MITF: variants seen among roughly 807,000 people sequenced by gnomAD.
MITF encodes the protein microphthalmia-associated transcription factor.
A neutral mutation model predicts 60.5 loss-of-function variants in MITF; 17 were observed. The observed-to-expected ratio is 0.28, with a 90% confidence interval of 0.19 to 0.42. The LOEUF is 0.42. Ranked by LOEUF, MITF falls within the 10% of genes least tolerant of loss-of-function variation. MITF has a pLI of 1.00. For synonymous variants in MITF, 260 were observed against 248.5 expected (o/e 1.05, Z -0.43); for missense variants, 622 against 683.5 (o/e 0.91, Z 1.00).
At chr3:69,792,045 T>A (rs920459795) in intron 1 of MITF, among the ~76,000 whole-genome samples, 5 of 152,200 alleles carry the variant, frequency 3.3e-5, no homozygotes, top group African/African-American at 1.2e-4. Flanking sequence ...TGAATCCTCA[T>A]CTGTACTTGC....
chr3:69,844,106 G>A (rs2063688623), intron 1 of MITF, among the ~76,000 whole-genome samples: 1 of 152,156 alleles, frequency 6.6e-6, no homozygotes, highest in Admixed American at 6.5e-5. Flanking sequence ...GTATTCCATG[G>A]TCTGTATGTG....
intron 1 of MITF, among the ~76,000 whole-genome samples, chr3:69,801,825 T>C (rs1052038517): frequency 6.6e-6 from 1 of 152,068 alleles, no homozygotes; most frequent in African/African-American, 2.4e-5. Context: ...TCAGATGACT[T>C]CAATTTGAAT....
intron 2 of MITF, among the ~76,000 whole-genome samples, chr3:69,909,510 C>T (rs969017375): frequency 2.6e-5 from 4 of 152,150 alleles, no homozygotes; most frequent in East Asian, 1.9e-4. Flanking sequence ...AGGAAGGAGA[C>T]AGAAAAATGT....
At chr3:69,761,854 GCTACTTGATGACATCAA>G (rs2062217026) in intron 1 of MITF, among the ~76,000 whole-genome samples, 1 of 152,170 alleles carries the variant, frequency 6.6e-6, no homozygotes, top group African/African-American at 2.4e-5. Context: ...TTCAAATGTT[GCTACTTGATGACATCAA>G]GTTGTCTTGT....
chr3:69,778,502 CATG>C (rs1398975047), intron 1 of MITF, among the ~76,000 whole-genome samples: 2 of 152,150 alleles, frequency 1.3e-5, no homozygotes, highest in Non-Finnish European at 2.9e-5. Flanking sequence ...TTAGTGGCTC[CATG>C]ATGTCAGAAC....
intron 1 of MITF, among the ~76,000 whole-genome samples, chr3:69,776,414 C>T (rs1157960182): frequency 6.6e-6 from 1 of 152,184 alleles, no homozygotes; most frequent in African/African-American, 2.4e-5. Flanking sequence ...GACTTGCACT[C>T]AGGGGTGGGG....
At chr3:69,831,153 C>A (rs1486290047) in intron 1 of MITF, among the ~76,000 whole-genome samples, 2 of 152,144 alleles carry the variant, frequency 1.3e-5, no homozygotes, top group Non-Finnish European at 2.9e-5. Context: ...TGCAATAATG[C>A]TGTTGAAGAT....
intron 2 of MITF, among the ~76,000 whole-genome samples, chr3:69,933,389 G>A (rs191614400): frequency 6.6e-6 from 1 of 152,164 alleles, no homozygotes; most frequent in African/African-American, 2.4e-5. Context: ...GACATGTGAT[G>A]TGCTCCAGGA....
chr3:69,922,198 T>A (rs1013052163), intron 2 of MITF, among the ~76,000 whole-genome samples: 1 of 152,178 alleles, frequency 6.6e-6, no homozygotes, highest in Non-Finnish European at 1.5e-5. Context: ...TACCACACAA[T>A]ATATAGAGAT....
rs567214548 is a variant in MITF, at chr3:69,956,543, G to A, written c.1031+13G>A. The A allele has an allele frequency of 5.7e-5, 91 of 1,601,810 alleles. No homozygotes were observed. Among genetic ancestry groups the A allele is most frequent in the South Asian group, 1.3e-4 (12 of 90,854 alleles). On this transcript the variant is annotated intron_variant, in intron 8 of 9. Transcript: ENST00000352241. ...AGTCAAATGATCCGTGAGTACAATC[G>A]CGTGTTAATCTGCATCATATATTTT...
intron 1 of MITF, among the ~76,000 whole-genome samples, chr3:69,860,343 A>G (rs2063990087): frequency 6.6e-6 from 1 of 152,064 alleles, no homozygotes; most frequent in East Asian, 1.9e-4. Flanking sequence ...GCGGTGGCTC[A>G]CGCCTGTAAT....
At chr3:69,886,423 C>A (rs2064619745) in intron 2 of MITF, among the ~76,000 whole-genome samples, 1 of 151,996 alleles carries the variant, frequency 6.6e-6, no homozygotes, top group African/African-American at 2.4e-5. Context: ...GCCTTATTTT[C>A]CAGATAGGGA....
Position 69,938,022 on chromosome 3 carries a change from T to C in MITF, c.555T>C (p.Leu185=), listed in dbSNP as rs1372357505. The part of the protein sequence containing the change: ...SSAPNSPMAM[L]TLNSNCEKEG... ...CACCCAACAGCCCCATGGCTATGCT[T>C]ACGCTTAACTCCAACTGTGAAAAAG... Residue 185 remains leucine (L), a synonymous_variant, in exon 3 of 10, where the codon CTT becomes CTC. Coordinates refer to ENST00000352241, the MANE Select transcript of MITF (RefSeq NM_001354604.2). 6.2e-7 allele frequency: 1 copy of C among 1,614,074 alleles called. No individual in the cohort carries two copies.
At chr3:69,783,135 T>C (rs1311824298) in intron 1 of MITF, among the ~76,000 whole-genome samples, 2 of 152,294 alleles carry the variant, frequency 1.3e-5, no homozygotes, top group East Asian at 3.9e-4. Flanking sequence ...TGGAGTGATA[T>C]TCCAGTTCAT....
intron 2 of MITF, among the ~76,000 whole-genome samples, chr3:69,924,068 G>C (rs757801919): frequency 6.6e-6 from 1 of 152,012 alleles, no homozygotes; most frequent in Admixed American, 6.5e-5. Context: ...TGATTTTTTT[G>C]ATCTGAAAAG....
chr3:69,902,891 G>C (rs1272476665), intron 2 of MITF, among the ~76,000 whole-genome samples: 1 of 151,494 alleles, frequency 6.6e-6, no homozygotes, highest in Non-Finnish European at 1.5e-5. Context: ...AACCCAAATA[G>C]GTTTGGTTTT....
intron 2 of MITF, among the ~76,000 whole-genome samples, chr3:69,917,017 A>G (rs2065348614): frequency 6.6e-6 from 1 of 152,218 alleles, no homozygotes; most frequent in African/African-American, 2.4e-5. Context: ...TGTCTAGTAC[A>G]TGTTGGACAC....
chr3:69,930,503 C>T (rs2065695390), intron 2 of MITF, among the ~76,000 whole-genome samples: 1 of 152,204 alleles, frequency 6.6e-6, no homozygotes, highest in African/African-American at 2.4e-5. Flanking sequence ...CTGCCTGGCT[C>T]ATCTCACCAA....
chr3:69,812,298 GA>G (rs919162039), intron 1 of MITF, among the ~76,000 whole-genome samples: 9 of 149,976 alleles, frequency 6.0e-5, no homozygotes, highest in East Asian at 2.0e-4. Context: ...CTGGGGTAAT[GA>G]AAAAAAAATA....
Sources: gnomAD v4.1 joint callset for allele counts (sites outside exome capture counted in the v4.1 genomes callset) on GRCh38, gnomAD v4.1.1 for gene constraint, MANE v1.5 for transcripts, NCBI Gene and HGNC (gene_info 2026-07-23, HGNC 2026-07-21) for gene names.